The following SNTG1 variants were observed in gnomAD, a reference collection of about 807,000 sequenced individuals.
The protein encoded by SNTG1 is gamma-1-syntrophin.
Under a neutral mutation model 74.7 loss-of-function variants are expected in SNTG1, and 39 were observed. That is an observed-to-expected ratio of 0.52 (90% confidence interval 0.40 to 0.68). SNTG1 has a LOEUF of 0.68. Ranked by LOEUF, SNTG1 falls within the 30% of genes least tolerant of loss-of-function variation. SNTG1 has a pLI of 0.00. For synonymous variants in SNTG1, 254 were observed against 217.1 expected (o/e 1.17, Z -1.49); for missense variants, 685 against 609.5 (o/e 1.12, Z -1.30).
intron 9 of SNTG1, among the ~76,000 whole-genome samples, chr8:50,510,723 C>T (rs540942551): frequency 6.6e-6 from 1 of 152,238 alleles, no homozygotes; most frequent in Admixed American, 6.5e-5. Context: ...ATAATATTCT[C>T]TGATGGTAGT....
At chr8:50,214,965 C>T (rs866426511) in intron 2 of SNTG1, among the ~76,000 whole-genome samples, 41 of 152,172 alleles carry the variant, frequency 2.7e-4, no homozygotes, top group Non-Finnish European at 5.4e-4. Context: ...CATTTAGTGG[C>T]ACGTCCAGTG....
intron 2 of SNTG1, among the ~76,000 whole-genome samples, chr8:50,378,873 T>C (rs2092433723): frequency 6.6e-6 from 1 of 152,002 alleles, no homozygotes; most frequent in East Asian, 1.9e-4. Context: ...ATGTGATTAG[T>C]CCATGGGAGC....
chr8:50,579,271 TGA>T (rs1162810862), intron 12 of SNTG1, among the ~76,000 whole-genome samples: 2 of 152,044 alleles, frequency 1.3e-5, no homozygotes, highest in Non-Finnish European at 2.9e-5. Flanking sequence ...ACTTTGAACT[TGA>T]GAGAGATGAT....
At chr8:50,296,322 A>C (rs2130616617) in intron 2 of SNTG1, among the ~76,000 whole-genome samples, 1 of 152,356 alleles carries the variant, frequency 6.6e-6, no homozygotes, top group Middle Eastern at 3.4e-3. Context: ...ATATACTTTT[A>C]TTGCAGCACA....
At chr8:50,084,783 A>G (rs571617317) in intron 1 of SNTG1, among the ~76,000 whole-genome samples, 1 of 152,298 alleles carries the variant, frequency 6.6e-6, no homozygotes. Context: ...GAATGGATTA[A>G]TGCTGTTATT....
intron 5 of SNTG1, among the ~76,000 whole-genome samples, chr8:50,441,035 G>A (rs997913977): frequency 6.6e-6 from 1 of 152,172 alleles, no homozygotes; most frequent in Non-Finnish European, 1.5e-5. Context: ...TTGGCTTGGG[G>A]ACTTTCCTGT....
chr8:49,983,775 TCA>T, intron 1 of SNTG1, among the ~76,000 whole-genome samples: 1 of 152,348 alleles, frequency 6.6e-6, no homozygotes, highest in African/African-American at 2.4e-5. Context: ...TATAGAATAA[TCA>T]CAGTTATTGA....
intron 13 of SNTG1, among the ~76,000 whole-genome samples, chr8:50,602,640 T>C (rs1002677853): frequency 2.6e-5 from 4 of 152,180 alleles, no homozygotes; most frequent in African/African-American, 9.6e-5. Context: ...ATTAACATCA[T>C]TTTCTTTCAT....
intron 2 of SNTG1, among the ~76,000 whole-genome samples, chr8:50,214,256 T>C (rs1403997138): frequency 2.3e-5 from 2 of 87,448 alleles, no homozygotes; most frequent in Non-Finnish European, 4.2e-5. Context: ...TGGGGACTGT[T>C]GTGGGGTGGG....
rs184845679 is a variant in SNTG1, at chr8:50,466,452, G to C, written c.363+15723G>C. Among the ~76,000 whole-genome samples, 24 of 152,052 alleles carry C rather than the reference G, an allele frequency of 1.6e-4. 2 individuals are homozygous for C. The highest frequency in any genetic ancestry group is 5.5e-4 in the African/African-American group (23 of 41,530). On this transcript the variant is annotated intron_variant, in intron 8 of 18. Coordinates refer to ENST00000642720, the MANE Select transcript of SNTG1 (RefSeq NM_018967.5). Reference sequence around the variant, plus strand: ...CTGCCTTAATTATTGTAGCTTAATTGTAAGTCTTCAAATTGGGAAACATGA... The same window carrying C: ...CTGCCTTAATTATTGTAGCTTAATTCTAAGTCTTCAAATTGGGAAACATGA...
At chr8:50,635,283 A>G (rs929011383) in intron 13 of SNTG1, among the ~76,000 whole-genome samples, 1 of 152,108 alleles carries the variant, frequency 6.6e-6, no homozygotes, top group Admixed American at 6.5e-5. Context: ...AACAAAAGCC[A>G]CTTTCTCGCT....
intron 11 of SNTG1, among the ~76,000 whole-genome samples, chr8:50,540,750 T>C (rs998202465): frequency 8.5e-5 from 13 of 152,150 alleles, no homozygotes; most frequent in African/African-American, 2.7e-4. Flanking sequence ...TCCAGTACCT[T>C]TGGAAATGTT....
intron 12 of SNTG1, among the ~76,000 whole-genome samples, chr8:50,590,187 T>C (rs952336621): frequency 1.3e-5 from 2 of 152,052 alleles, no homozygotes; most frequent in African/African-American, 4.8e-5. Flanking sequence ...CCATAGAGAG[T>C]TAGCATGCTT....
chr8:50,477,687 G>A (rs1171652246), intron 8 of SNTG1, among the ~76,000 whole-genome samples: 1 of 152,152 alleles, frequency 6.6e-6, no homozygotes, highest in Non-Finnish European at 1.5e-5. Context: ...ACTGTGGCAA[G>A]TGTACCATAG....
intron 1 of SNTG1, among the ~76,000 whole-genome samples, chr8:49,975,703 A>G (rs1812128117): frequency 6.6e-6 from 1 of 152,034 alleles, no homozygotes. Context: ...GTCCGAGGAA[A>G]GATTTCTCCT....
chr8:49,980,872 T>A lies in SNTG1; in HGVS notation c.-103+68641T>A, dbSNP rs1447444739. On this transcript the variant is annotated intron_variant, in intron 1 of 18. Transcript: ENST00000642720. ...ATTCACAGACTGTACACTTTTATGATTTCTATTCATATTTTTCTCACTTTT... is the reference window on the plus strand; with the variant it reads ...ATTCACAGACTGTACACTTTTATGAATTCTATTCATATTTTTCTCACTTTT... Among the ~76,000 whole-genome samples the A allele has an allele frequency of 2.6e-5, 4 of 152,188 alleles. No homozygotes were observed. The East Asian group carries it at 7.7e-4, about 29-fold the overall frequency.
intron 1 of SNTG1, among the ~76,000 whole-genome samples, chr8:50,043,780 G>T (rs1259330785): frequency 2.6e-5 from 4 of 152,134 alleles, no homozygotes; most frequent in African/African-American, 9.7e-5. Flanking sequence ...AACATAGGGA[G>T]ATAAGCACTC....
intron 17 of SNTG1, among the ~76,000 whole-genome samples, chr8:50,731,186 A>G (rs1170038815): frequency 2.0e-5 from 3 of 152,140 alleles, no homozygotes; most frequent in Non-Finnish European, 4.4e-5. Context: ...ATGCATTGTA[A>G]TAGGGGAAAG....
chr8:50,038,461 G>A (rs1818346359), intron 1 of SNTG1, among the ~76,000 whole-genome samples: 1 of 152,116 alleles, frequency 6.6e-6, no homozygotes, highest in African/African-American at 2.4e-5. Flanking sequence ...CCTGTGCAGT[G>A]GGTTTAAGGG....
Sources: gnomAD v4.1 joint callset for allele counts (sites outside exome capture counted in the v4.1 genomes callset) on GRCh38, gnomAD v4.1.1 for gene constraint, MANE v1.5 for transcripts, NCBI Gene and HGNC (gene_info 2026-07-23, HGNC 2026-07-21) for gene names.